FYN: variants seen among roughly 807,000 people sequenced by gnomAD.
FYN encodes the protein FYN proto-oncogene, Src family tyrosine kinase, also known as tyrosine-protein kinase Fyn.
FYN carries 10 observed loss-of-function variants against 70.2 expected under a neutral mutation model. The ratio of observed to expected loss-of-function variants is 0.14; its 90% CI spans 0.09 to 0.24. The LOEUF is 0.24. Among genes scored for constraint, FYN ranks in the 10% least tolerant of loss-of-function variants. The probability of loss-of-function intolerance (pLI) is 1.00; values close to 1 mark genes in which losing one functional copy is unlikely to be tolerated. For missense variants in FYN, 319 were observed against 673.1 expected, an observed-to-expected ratio of 0.47 and a Z score of 5.82; for synonymous variants, 236 against 248.6, an observed-to-expected ratio of 0.95 and a Z score of 0.48.
intron 2 of FYN, among the ~76,000 whole-genome samples, chr6:111,783,963 C>T (rs775139528): frequency 1.3e-5 from 2 of 152,162 alleles, no homozygotes; most frequent in Non-Finnish European, 1.5e-5. Context: ...TGAGAAGCAT[C>T]GATCCAAGAG....
chr6:111,799,699 T>C (rs1389480094), intron 2 of FYN, among the ~76,000 whole-genome samples: 3 of 152,254 alleles, frequency 2.0e-5, no homozygotes, highest in African/African-American at 7.2e-5. Flanking sequence ...TTCATGATGC[T>C]GCCTGTCCAG....
chr6:111,719,939 T>C lies in FYN; in HGVS notation c.113A>G (p.His38Arg). The C allele has an allele frequency of 1.9e-6, 3 of 1,614,146 alleles. No homozygotes were observed. Among genetic ancestry groups the C allele is most frequent in the South Asian group, 1.1e-5 (1 of 91,078 alleles). Residue 38 changes from histidine (H) to arginine (R), a missense_variant, in exon 4 of 14, where the codon CAC becomes CGC. Physicochemically the swap from His to Arg is conservative, Grantham distance 29. Around this residue, in one of 4 missense-constraint regions of FYN, gnomAD observed 128 missense variants for 183.9 expected, o/e 0.70. Transcript: ENST00000354650. ...YRYGTDPTPQHYPSFGVTSIP... is the reference protein window; with the variant it reads ...YRYGTDPTPQRYPSFGVTSIP... ...GGAGGTCACACCGAAGCTGGGGTAGTGCTGAGGGGTGGGGTCTGTGCCATA... is the reference window on the plus strand; with the variant it reads ...GGAGGTCACACCGAAGCTGGGGTAGCGCTGAGGGGTGGGGTCTGTGCCATA...
At chr6:111,771,952 T>C (rs1803469504) in intron 3 of FYN, among the ~76,000 whole-genome samples, 1 of 151,956 alleles carries the variant, frequency 6.6e-6, no homozygotes, top group African/African-American at 2.4e-5. Flanking sequence ...ATGGGGGGCA[T>C]GGCCAGAAGG....
intron 2 of FYN, among the ~76,000 whole-genome samples, chr6:111,825,983 C>T (rs912113649): frequency 1.1e-4 from 17 of 151,936 alleles, no homozygotes; most frequent in South Asian, 1.0e-3. Flanking sequence ...AGAGTTAGGG[C>T]GAGTATTCTA....
intron 6 of FYN, among the ~76,000 whole-genome samples, chr6:111,704,844 T>G (rs1799998854): frequency 6.6e-6 from 1 of 151,968 alleles, no homozygotes; most frequent in Admixed American, 6.5e-5. Flanking sequence ...GGGTGGATCA[T>G]GAAGTCAGGA....
chr6:111,863,551 C>T (rs1774023202), intron 1 of FYN, among the ~76,000 whole-genome samples: 1 of 152,118 alleles, frequency 6.6e-6, no homozygotes. Context: ...GGGAAAAGTG[C>T]CCTGGGCTTT....
rs986768052 is a variant in FYN at position 111,873,326 on chromosome 6, G to C, written c.-481C>G. 6.7e-6 allele frequency: 1 copy of C among 149,890 alleles called. No homozygotes were observed. The highest frequency in any genetic ancestry group is 1.5e-5 in the Non-Finnish European group (1 of 66,750). The allele number at this position is 149,890 out of a possible 1,614,324, so 9.3% of individuals were successfully genotyped here. The stretch of plus-strand genomic sequence containing the variant: ...CGGGTCTCGAAGGCCTTCGGCTCGC[G>C]GCGACCCCTCCTCCTCGCCCGCGGC... On this transcript the variant is annotated 5_prime_UTR_variant, in exon 1 of 14. Coordinates refer to ENST00000354650, the MANE Select transcript of FYN (RefSeq NM_002037.5).
At chr6:111,772,411 T>A (rs966584864) in intron 3 of FYN, among the ~76,000 whole-genome samples, 5 of 152,208 alleles carry the variant, frequency 3.3e-5, no homozygotes, top group Admixed American at 1.3e-4. Flanking sequence ...AAAGGAAGGC[T>A]GGAGCAGGAT....
intron 2 of FYN, among the ~76,000 whole-genome samples, chr6:111,814,414 A>T (rs980523128): frequency 2.5e-4 from 38 of 152,046 alleles, no homozygotes; most frequent in Non-Finnish European, 3.7e-4. Flanking sequence ...ACATAAAAAG[A>T]TTTTTTTTCA....
intron 1 of FYN, among the ~76,000 whole-genome samples, chr6:111,850,563 T>A (rs1484758952): frequency 6.6e-6 from 1 of 152,224 alleles, no homozygotes; most frequent in Admixed American, 6.5e-5. Flanking sequence ...AAGTGCTCCT[T>A]CACTTATTCT....
At chr6:111,770,813 G>A (rs1803420510) in intron 3 of FYN, among the ~76,000 whole-genome samples, 2 of 152,076 alleles carry the variant, frequency 1.3e-5, no homozygotes, top group Admixed American at 1.3e-4. Flanking sequence ...ATTCCCTCGA[G>A]ATCTAATCCA....
chr6:111,674,317 C>T, intron 13 of FYN, 182 bp downstream of exon 13: 1 of 606,196 alleles, frequency 1.6e-6, no homozygotes, highest in East Asian at 2.9e-5. Flanking sequence ...GGCTGCTTGT[C>T]TACATACATG....
intron 1 of FYN, among the ~76,000 whole-genome samples, chr6:111,854,314 C>T (rs9487737): frequency 0.12 from 18,847 of 152,152 alleles, 1,878 homozygotes; most frequent in African/African-American, 0.28. Context: ...GTGTAAGCAA[C>T]ACCTCCCTTT....
chr6:111,748,687 G>A (rs1802347069), intron 3 of FYN, among the ~76,000 whole-genome samples: 1 of 152,028 alleles, frequency 6.6e-6, no homozygotes. Context: ...ATATAACCAG[G>A]TTTCAAAGAC....
intron 2 of FYN, among the ~76,000 whole-genome samples, chr6:111,817,007 C>T (rs544260210): frequency 3.9e-5 from 6 of 152,178 alleles, no homozygotes; most frequent in African/African-American, 1.4e-4. Context: ...AATAAATTAA[C>T]AGGATATACA....
At chr6:111,713,565 C>T (rs1291036720) in intron 5 of FYN, among the ~76,000 whole-genome samples, 1 of 151,966 alleles carries the variant, frequency 6.6e-6, no homozygotes. Flanking sequence ...TTCTTCAGAA[C>T]CTAGATTTTT....
chr6:111,810,411 C>T (rs1772286904), intron 2 of FYN, among the ~76,000 whole-genome samples: 1 of 152,096 alleles, frequency 6.6e-6, no homozygotes, highest in South Asian at 2.1e-4. Context: ...CACTTGATGT[C>T]GGTCTGGTAA....
chr6:111,741,563 G>GT (rs953309067), intron 3 of FYN, among the ~76,000 whole-genome samples: 48 of 151,904 alleles, frequency 3.2e-4, no homozygotes, highest in African/African-American at 1.0e-3. Flanking sequence ...TAATAAACCA[G>GT]TTTTTTTTCT....
intron 12 of FYN, among the ~76,000 whole-genome samples, chr6:111,678,654 A>G (rs1410651294): frequency 6.6e-6 from 1 of 152,172 alleles, no homozygotes; most frequent in Non-Finnish European, 1.5e-5. Flanking sequence ...TTGGTTATAC[A>G]AGTCAGTGCC....
Sources: gnomAD v4.1 joint callset for allele counts (sites outside exome capture counted in the v4.1 genomes callset) on GRCh38, gnomAD v4.1.1 for gene constraint, gnomAD v4.1.1 regional missense constraint, MANE v1.5 for transcripts, NCBI Gene and HGNC (gene_info 2026-07-23, HGNC 2026-07-21) for gene names.